The following SGCZ variants were observed in gnomAD, a reference collection of about 807,000 sequenced individuals.
SGCZ encodes the protein zeta-sarcoglycan.
In SGCZ, 40 loss-of-function variants were observed where a neutral mutation model predicts 41.3. The ratio of observed to expected loss-of-function variants is 0.97; its 90% CI spans 0.75 to 1.26. SGCZ has a LOEUF of 1.26. Ranked by LOEUF, SGCZ falls within the 50% of genes most tolerant of loss-of-function variation. The probability of loss-of-function intolerance (pLI) is 0.00; values close to 1 mark genes in which losing one functional copy is unlikely to be tolerated. For missense variants in SGCZ, 552 were observed against 369.8 expected (o/e 1.49, Z -4.04); for synonymous variants, 206 against 137.5 (o/e 1.50, Z -3.49).
intron 3 of SGCZ, among the ~76,000 whole-genome samples, chr8:14,269,171 T>G (rs990244762): frequency 5.3e-5 from 8 of 152,126 alleles, no homozygotes; most frequent in African/African-American, 1.9e-4. Context: ...GAGAGCAGCT[T>G]AAGGTTTTAT....
intron 1 of SGCZ, among the ~76,000 whole-genome samples, chr8:14,933,526 C>T (rs1273151616): frequency 6.6e-6 from 1 of 151,040 alleles, no homozygotes; most frequent in Non-Finnish European, 1.5e-5. Flanking sequence ...CCGCCTCCCG[C>T]GTTCACACCA....
intron 1 of SGCZ, among the ~76,000 whole-genome samples, chr8:15,011,480 A>G (rs1386493732): frequency 1.3e-5 from 2 of 152,254 alleles, no homozygotes; most frequent in Non-Finnish European, 2.9e-5. Flanking sequence ...TTTTATAAAC[A>G]TGTTAATAAA....
chr8:14,276,537 T>A (rs1800239505), intron 3 of SGCZ, among the ~76,000 whole-genome samples: 1 of 152,166 alleles, frequency 6.6e-6, no homozygotes, highest in Non-Finnish European at 1.5e-5. Context: ...TAATTCTACA[T>A]CTTTTTTATC....
rs185757065 is a variant in SGCZ at position 14,895,034 on chromosome 8, T to C, written c.40-340108A>G. Among the ~76,000 whole-genome samples, 14 of 152,346 alleles carry C rather than the reference T, an allele frequency of 9.2e-5. No homozygotes were observed. The East Asian group carries it at 2.7e-3, about 29-fold the overall frequency. ...GGTCCAGGGTAATAATATATTACTT[T>C]ACTTCAGTTGTATTAGGAATAACAT... On this transcript the variant is annotated intron_variant, in intron 1 of 7. Transcript: ENST00000382080.
intron 3 of SGCZ, among the ~76,000 whole-genome samples, chr8:14,312,152 T>C (rs1455493539): frequency 6.6e-6 from 1 of 152,184 alleles, no homozygotes; most frequent in Non-Finnish European, 1.5e-5. Context: ...TATGTATACA[T>C]GCCTATAATT....
chr8:14,731,525 A>G (rs958069888), intron 1 of SGCZ, among the ~76,000 whole-genome samples: 45 of 152,130 alleles, frequency 3.0e-4, no homozygotes, highest in Admixed American at 2.2e-3. Context: ...CCTACAACTT[A>G]AAGTATAATA....
At chr8:14,670,644 A>G (rs908428279) in intron 1 of SGCZ, among the ~76,000 whole-genome samples, 9 of 152,186 alleles carry the variant, frequency 5.9e-5, no homozygotes, top group African/African-American at 2.2e-4. Flanking sequence ...ATTGGAACAC[A>G]ATGTATAATA....
intron 4 of SGCZ, among the ~76,000 whole-genome samples, chr8:14,176,642 C>G (rs1382139): frequency 0.93 from 142,141 of 152,192 alleles, 66,505 homozygotes; most frequent in East Asian, 0.99. Flanking sequence ...AGTATAAACT[C>G]TCCCCCACCA....
chr8:14,382,868 A>G (rs1045448005), intron 2 of SGCZ, among the ~76,000 whole-genome samples: 6 of 152,208 alleles, frequency 3.9e-5, no homozygotes, highest in African/African-American at 1.2e-4. Flanking sequence ...TTGTACTCCA[A>G]TGGTTACTGA....
At chr8:15,120,004 T>A (rs182827806) in intron 1 of SGCZ, among the ~76,000 whole-genome samples, 13 of 152,246 alleles carry the variant, frequency 8.5e-5, no homozygotes, top group African/African-American at 2.6e-4. Context: ...TTTTATTGTT[T>A]GTAGAGATAG....
At chr8:14,821,310 A>T (rs1163597253) in intron 1 of SGCZ, among the ~76,000 whole-genome samples, 2 of 152,004 alleles carry the variant, frequency 1.3e-5, no homozygotes, top group African/African-American at 4.8e-5. Context: ...TGAGAGAGGT[A>T]ATTGAGTCAG....
intron 1 of SGCZ, among the ~76,000 whole-genome samples, chr8:14,721,189 G>A (rs929407942): frequency 1.3e-5 from 2 of 151,994 alleles, no homozygotes; most frequent in Non-Finnish European, 2.9e-5. Flanking sequence ...CCTCTTCTTT[G>A]TTACTAACAC....
chr8:14,435,047 T>C (rs1800049390), intron 2 of SGCZ, among the ~76,000 whole-genome samples: 1 of 152,154 alleles, frequency 6.6e-6, no homozygotes, highest in Non-Finnish European at 1.5e-5. Context: ...ACCAGAATGC[T>C]ATAATTAGAA....
chr8:14,532,836 AATG>A (rs1370988884), intron 2 of SGCZ, among the ~76,000 whole-genome samples: 2 of 151,610 alleles, frequency 1.3e-5, no homozygotes, highest in African/African-American at 4.8e-5. Context: ...TAATAATTTG[AATG>A]ATAGAACTCT....
At chr8:14,118,881 G>T (rs556929542) in intron 5 of SGCZ, among the ~76,000 whole-genome samples, 1 of 152,162 alleles carries the variant, frequency 6.6e-6, no homozygotes, top group East Asian at 1.9e-4. Flanking sequence ...TGGATGTGTG[G>T]TGTTATTTCC....
At chr8:14,907,921 T>C (rs1378870395) in intron 1 of SGCZ, among the ~76,000 whole-genome samples, 1 of 152,166 alleles carries the variant, frequency 6.6e-6, no homozygotes. Flanking sequence ...GAATAGTTAT[T>C]AATAGTACAG....
intron 1 of SGCZ, among the ~76,000 whole-genome samples, chr8:15,221,043 T>C (rs1801583356): frequency 6.6e-6 from 1 of 151,912 alleles, no homozygotes; most frequent in African/African-American, 2.4e-5. Context: ...GGGATAGCAT[T>C]AGAAGAAATA....
chr8:14,697,102 CCCCAT>C (rs778744377), intron 1 of SGCZ, among the ~76,000 whole-genome samples: 3 of 151,720 alleles, frequency 2.0e-5, no homozygotes, highest in Non-Finnish European at 4.4e-5. Context: ...AGAAAAACAC[CCCCAT>C]CCCATCTCCC....
At chr8:14,299,017 C>T (rs533792954) in intron 3 of SGCZ, among the ~76,000 whole-genome samples, 3 of 151,786 alleles carry the variant, frequency 2.0e-5, no homozygotes, top group South Asian at 2.1e-4. Flanking sequence ...TCAATTGAAC[C>T]GAATCCAGAA....
Sources: allele counts gnomAD v4.1 joint callset (sites outside exome capture counted in the v4.1 genomes callset), GRCh38; gene constraint gnomAD v4.1.1; transcripts MANE v1.5; gene names NCBI Gene and HGNC (gene_info 2026-07-23, HGNC 2026-07-21).